ERICH2: variants seen among roughly 807,000 people sequenced by gnomAD.
ERICH2 encodes the protein glutamate rich 2, also known as glutamate-rich protein 2.
ERICH2 carries 17 observed loss-of-function variants against 17.4 expected under a neutral mutation model. That is an observed-to-expected ratio of 0.98 (90% CI 0.67 to 1.47). The LOEUF is 1.47. Among genes scored for constraint, ERICH2 ranks in the 40% most tolerant of loss-of-function variants. ERICH2 has a pLI of 0.00. For synonymous variants in ERICH2, 51 were observed against 61.1 expected (o/e 0.83, Z 0.77); for missense variants, 186 against 183.2 (o/e 1.01, Z -0.09).
At chr2:170,776,149 A>G in the ERICH2 span, among the ~76,000 whole-genome samples, 1 of 152,228 alleles carries the variant, frequency 6.6e-6, no homozygotes, top group Non-Finnish European at 1.5e-5. Context: ...CTATACGAAA[A>G]TCAGTCCTAT....
intron 3 of ERICH2, among the ~76,000 whole-genome samples, chr2:170,797,806 A>G (rs567489584): frequency 5.9e-4 from 89 of 151,838 alleles, no homozygotes; most frequent in Admixed American, 1.7e-3. Context: ...AAAAAAAAAA[A>G]AAAAAAAAGA....
At chr2:170,786,414 A>G (rs1340382537) in intron 2 of ERICH2, among the ~76,000 whole-genome samples, 1 of 152,032 alleles carries the variant, frequency 6.6e-6, no homozygotes, top group East Asian at 1.9e-4. Flanking sequence ...TGTATATAAT[A>G]TGTCTTATAA....
At chr2:170,784,576 A>T (rs1701106851) in intron 1 of ERICH2, 70 bp from the exon 7 acceptor site, 2 of 882,046 alleles carry the variant, frequency 2.3e-6, no homozygotes, top group Non-Finnish European at 3.3e-6. Flanking sequence ...GAATAGTAAT[A>T]GGATCTGGCA....
intron 2 of ERICH2, among the ~76,000 whole-genome samples, chr2:170,788,094 T>A (rs1241470811): frequency 6.6e-6 from 1 of 152,228 alleles, no homozygotes. Context: ...ATCAGTCATA[T>A]TATATTTACT....
chr2:170,777,747 A>T, the ERICH2 span: 6 of 1,037,154 alleles, frequency 5.8e-6, no homozygotes, highest in Non-Finnish European at 7.4e-6. Context: ...GAACTAGATA[A>T]TGCAGCCATT....
the ERICH2 span, among the ~76,000 whole-genome samples, chr2:170,774,760 A>G: frequency 6.6e-6 from 1 of 151,498 alleles, no homozygotes; most frequent in African/African-American, 2.4e-5. Flanking sequence ...TATTTTTAGT[A>G]GAGACGGGGT....
At chr2:170,770,934 C>G in the ERICH2 span, among the ~76,000 whole-genome samples, 3 of 148,518 alleles carry the variant, frequency 2.0e-5, no homozygotes, top group East Asian at 2.0e-4. Flanking sequence ...GGCCTGGGCC[C>G]GCCTCCACCC....
the ERICH2 span, among the ~76,000 whole-genome samples, chr2:170,775,306 C>A: frequency 6.6e-6 from 1 of 151,948 alleles, no homozygotes; most frequent in African/African-American, 2.4e-5. Context: ...GTGGTGCACA[C>A]CTGTGGTCTC....
the ERICH2 span, among the ~76,000 whole-genome samples, chr2:170,772,990 A>G: frequency 6.6e-6 from 1 of 152,246 alleles, no homozygotes; most frequent in Non-Finnish European, 1.5e-5. Flanking sequence ...AATGTTGGTA[A>G]TTCATTTTAT....
the ERICH2 span, among the ~76,000 whole-genome samples, chr2:170,775,043 GGGA>G: frequency 6.6e-6 from 1 of 152,144 alleles, no homozygotes; most frequent in African/African-American, 2.4e-5. Flanking sequence ...AGGTGAAAAT[GGGA>G]GGAGAATTAT....
upstream of ERICH2, among the ~76,000 whole-genome samples, chr2:170,778,856 T>C (rs1250209672): frequency 6.6e-6 from 1 of 152,130 alleles, no homozygotes; most frequent in African/African-American, 2.4e-5. Flanking sequence ...ATAAGCAGTG[T>C]TGGAACTGGA....
At chr2:170,798,087 A>C (rs1432541104) in exon 4 of ERICH2, 7 of 1,548,826 alleles carry the variant, frequency 4.5e-6, no homozygotes, top group Non-Finnish European at 6.1e-6. Flanking sequence ...AGTTTTTCAC[A>C]CTTATTGAAG....
intron 2 of ERICH2, among the ~76,000 whole-genome samples, chr2:170,791,967 A>T (rs1701301278): frequency 6.6e-6 from 1 of 152,124 alleles, no homozygotes; most frequent in Non-Finnish European, 1.5e-5. Flanking sequence ...ACAGAATAAA[A>T]CTCATATACC....
chr2:170,770,921 T>C, the ERICH2 span, among the ~76,000 whole-genome samples: 1 of 130,284 alleles, frequency 7.7e-6, no homozygotes, highest in Admixed American at 7.8e-5. Context: ...TCCACCGCCC[T>C]ACGGCCTGGG....
upstream of ERICH2, among the ~76,000 whole-genome samples, chr2:170,782,658 A>G (rs569935259): frequency 6.6e-6 from 1 of 152,388 alleles, no homozygotes; most frequent in South Asian, 2.1e-4. Context: ...TTCATTTAAT[A>G]ACCAGAGTGA....
At chr2:170,783,085 A>T (rs1031808748), upstream of ERICH2, 3 of 152,042 alleles carry the variant, frequency 2.0e-5, no homozygotes, top group East Asian at 1.9e-4. Context: ...ACAGAGCAAG[A>T]CCCTGTCTCA....
intron 2 of ERICH2, among the ~76,000 whole-genome samples, chr2:170,789,528 T>G (rs1701234018): frequency 6.6e-6 from 1 of 152,220 alleles, no homozygotes; most frequent in African/African-American, 2.4e-5. Flanking sequence ...TGCTTTTTGT[T>G]TAGTTGTTAA....
upstream of ERICH2, among the ~76,000 whole-genome samples, chr2:170,781,064 G>T (rs1701013586): frequency 6.6e-6 from 1 of 152,098 alleles, no homozygotes; most frequent in African/African-American, 2.4e-5. Flanking sequence ...TTTTGCTTTA[G>T]CCATATATAC....
the ERICH2 span, among the ~76,000 whole-genome samples, chr2:170,778,671 T>G: frequency 3.3e-5 from 5 of 152,202 alleles, no homozygotes; most frequent in African/African-American, 1.2e-4. Flanking sequence ...AATCTACATG[T>G]AATTTTATAT....
Sources: allele counts gnomAD v4.1 joint callset (sites outside exome capture counted in the v4.1 genomes callset), GRCh38; gene constraint gnomAD v4.1.1; transcripts MANE v1.5; gene names NCBI Gene and HGNC (gene_info 2026-07-23, HGNC 2026-07-21).